WARS2: variants seen among roughly 807,000 people sequenced by gnomAD.
WARS2 encodes the protein tryptophanyl tRNA synthetase 2, mitochondrial, also known as tryptophan--tRNA ligase, mitochondrial.
Under a neutral mutation model 36.5 loss-of-function variants are expected in WARS2, and 28 were observed. The ratio of observed to expected loss-of-function variants is 0.77; its 90% confidence interval spans 0.57 to 1.05. The LOEUF (loss-of-function observed/expected upper bound fraction) is 1.05, where lower values mean the gene tolerates loss of function less well. WARS2 is among the 50% of genes least tolerant of loss of function. The pLI is 0.00. For missense variants in WARS2, 435 were observed against 456.8 expected, an observed-to-expected ratio of 0.95 and a Z score of 0.44; for synonymous variants, 174 against 178.4, an observed-to-expected ratio of 0.98 and a Z score of 0.20.
chr1:119,058,165 G>A (rs2101192541), intron 2 of WARS2, among the ~76,000 whole-genome samples: 1 of 152,208 alleles, frequency 6.6e-6, no homozygotes, highest in South Asian at 2.1e-4. Flanking sequence ...CAAGGTTCAT[G>A]TTCTCCCTCA....
Position 119,041,315 on chromosome 1 carries a change from A to G in WARS2, c.515+949T>C, listed in dbSNP as rs1195030921. Among the ~76,000 whole-genome samples, 5 of 152,278 alleles carry G rather than the reference A, an allele frequency of 3.3e-5. No individual in the cohort carries two copies. The East Asian group carries it at 9.6e-4, about 29-fold the overall frequency. On this transcript the variant is annotated intron_variant, in intron 4 of 5. Transcript: ENST00000235521. ...GGAGGCTTTATCTCTAGAAGGCCAA[A>G]TGGGGGTCAAGGGAGGCTGATGAGG...
At chr1:119,066,060 T>C (rs1396717829) in intron 2 of WARS2, among the ~76,000 whole-genome samples, 2 of 152,014 alleles carry the variant, frequency 1.3e-5, no homozygotes, top group Non-Finnish European at 2.9e-5. Context: ...TAGGCCAGTA[T>C]AGAATAACTT....
intron 1 of WARS2, among the ~76,000 whole-genome samples, chr1:119,135,646 ATAG>A (rs1557763626): frequency 5.9e-5 from 9 of 152,228 alleles, no homozygotes; most frequent in African/African-American, 2.2e-4. Context: ...ACTTTAGCAC[ATAG>A]CAGGCACTAG....
chr1:119,082,193 T>A (rs1652248296), intron 1 of WARS2: 1 of 897,926 alleles, frequency 1.1e-6, no homozygotes, highest in Non-Finnish European at 1.3e-6. Context: ...GCATAAATGA[T>A]AAGCACTTAA....
At chr1:119,137,609 AATG>A (rs1452387378) in intron 1 of WARS2, among the ~76,000 whole-genome samples, 9 of 152,234 alleles carry the variant, frequency 5.9e-5, no homozygotes, top group African/African-American at 9.6e-5. Flanking sequence ...GTGTTTGGCC[AATG>A]ATGACAGGCT....
chr1:119,109,629 C>G (rs1017528521), intron 1 of WARS2, among the ~76,000 whole-genome samples: 3 of 151,658 alleles, frequency 2.0e-5, no homozygotes, highest in African/African-American at 7.3e-5. Context: ...TAAGTTGATT[C>G]TTGTTGGTTT....
intron 1 of WARS2, among the ~76,000 whole-genome samples, chr1:119,088,042 C>T (rs995674206): frequency 2.0e-5 from 3 of 152,162 alleles, no homozygotes; most frequent in Non-Finnish European, 2.9e-5. Context: ...TTATGCGGCC[C>T]GGGCTTTAAC....
At chr1:119,127,981 T>C (rs190926783) in intron 1 of WARS2, among the ~76,000 whole-genome samples, 8 of 152,324 alleles carry the variant, frequency 5.3e-5, no homozygotes, top group Admixed American at 1.3e-4. Flanking sequence ...TCTTCTCTCA[T>C]TGTAACTAAC....
chr1:119,057,031 A>G (rs929994455), intron 2 of WARS2, among the ~76,000 whole-genome samples: 17 of 152,208 alleles, frequency 1.1e-4, no homozygotes, highest in African/African-American at 4.1e-4. Flanking sequence ...ACCAAAGCAT[A>G]GTATTCTCAG....
At chr1:119,124,746 C>G (rs768332863) in intron 1 of WARS2, among the ~76,000 whole-genome samples, 3 of 152,108 alleles carry the variant, frequency 2.0e-5, no homozygotes, top group Non-Finnish European at 2.9e-5. Flanking sequence ...GTTATTCTCC[C>G]ACACAAAACC....
intron 2 of WARS2, chr1:119,064,139 T>G (rs912707945): frequency 3.9e-5 from 6 of 152,254 alleles, no homozygotes; most frequent in Non-Finnish European, 7.3e-5. Context: ...GTGACCTGAG[T>G]GTGAGACCTG....
chr1:119,098,900 C>A (rs1264872844), intron 1 of WARS2, among the ~76,000 whole-genome samples: 1 of 151,790 alleles, frequency 6.6e-6, no homozygotes, highest in Admixed American at 6.6e-5. Flanking sequence ...CCATGCCCGG[C>A]TAATTTTTGT....
intron 3 of WARS2, among the ~76,000 whole-genome samples, chr1:119,043,230 C>T (rs1225906111): frequency 1.3e-5 from 2 of 150,862 alleles, no homozygotes; most frequent in African/African-American, 5.0e-5. Context: ...GGTATAGCAT[C>T]TCTTGTAAAA....
At chr1:119,127,305 G>C in intron 1 of WARS2, 2 of 606,606 alleles carry the variant, frequency 3.3e-6, no homozygotes, top group Non-Finnish European at 6.0e-6. Context: ...GCTGCTCAGA[G>C]CCAAAAACTG....
At chr1:119,135,706 T>C (rs909741634) in intron 1 of WARS2, among the ~76,000 whole-genome samples, 4 of 138,962 alleles carry the variant, frequency 2.9e-5, no homozygotes, top group South Asian at 2.4e-4. Context: ...GATAGATAGA[T>C]TAGATAGACA....
In WARS2 at chr1:119,140,566, G is replaced by C. The variant is rs1331088178; in HGVS notation, c.79C>G (p.Pro27Ala). The change falls in exon 1 of 6, where the codon CCC (proline) becomes GCC (alanine). Residue 27 changes from proline (P) to alanine (A), a missense_variant. By Grantham distance (27) the Pro-to-Ala change is conservative (BLOSUM62 -1). Coordinates refer to ENST00000235521, the MANE Select transcript of WARS2 (RefSeq NM_015836.4). ...RALHKGSAAA[P>A]ALQKDSKKRV... ...CCGTCTTTGGTTACCTGGAGAGCGG[G>C]AGCAGCTGCGGATCCCTTATGAAGT... 2.5e-6 allele frequency: 4 copies of C among 1,613,484 alleles called. No homozygotes were observed. The highest frequency in any genetic ancestry group is 1.3e-5 in the African/African-American group (1 of 75,054).
intron 1 of WARS2, among the ~76,000 whole-genome samples, chr1:119,098,019 G>C (rs185887059): frequency 1.3e-5 from 2 of 152,114 alleles, no homozygotes; most frequent in Non-Finnish European, 2.9e-5. Context: ...GGGAGGCTGA[G>C]GCGGGCATAT....
intron 1 of WARS2, chr1:119,085,846 A>G: frequency 6.2e-7 from 1 of 1,610,520 alleles, no homozygotes; most frequent in Non-Finnish European, 8.5e-7. Flanking sequence ...AGGAAGATCC[A>G]GGCACTGTCC....
At chr1:119,088,315 T>TG (rs1310873483) in intron 1 of WARS2, among the ~76,000 whole-genome samples, 1 of 152,088 alleles carries the variant, frequency 6.6e-6, no homozygotes, top group Non-Finnish European at 1.5e-5. Flanking sequence ...GCATGAGCAA[T>TG]GGGAGTTTTA....
Sources: allele counts gnomAD v4.1 joint callset (sites outside exome capture counted in the v4.1 genomes callset), GRCh38; gene constraint gnomAD v4.1.1; transcripts MANE v1.5; gene names NCBI Gene and HGNC (gene_info 2026-07-23, HGNC 2026-07-21).